Variants in TUSC3 observed in about 807,000 individuals in gnomAD.
TUSC3 encodes the protein dolichyl-diphosphooligosaccharide--protein glycosyltransferase subunit TUSC3.
TUSC3 carries 45 observed loss-of-function variants against 44.8 expected under a neutral mutation model. That is an observed-to-expected ratio of 1.00 (90% CI 0.79 to 1.29). The LOEUF is 1.29. TUSC3 is among the 50% of genes most tolerant of loss of function. The pLI is 0.00. For synonymous variants in TUSC3, 212 were observed against 152.9 expected (o/e 1.39, Z -2.85); for missense variants, 519 against 437.9 (o/e 1.19, Z -1.65).
chr8:15,483,648 G>GTTTTTTTTTTTTTTTTT (rs1398002093), intron 2 of TUSC3, among the ~76,000 whole-genome samples: 2 of 43,450 alleles, frequency 4.6e-5, no homozygotes, highest in African/African-American at 1.6e-4. Context: ...CTAGCACTGT[G>GTTTTTTTTTTTTTTTTT]ATTTTTTTTT....
In TUSC3 at chr8:15,459,485, G is replaced by A. The variant is rs189089704; in HGVS notation, n.92-23901G>A. Among the ~76,000 whole-genome samples, 19 of 151,712 alleles carry A rather than the reference G, an allele frequency of 1.3e-4. 1 individual carries two copies. The highest frequency in any genetic ancestry group is 3.4e-3 in the Middle Eastern group (1 of 294). ...ATTTGATAATATTTTTTATTTTTCC[G>A]TAGGTTATTAGGGTACAGGTGGTGT... On this transcript the variant is annotated intron_variant and non_coding_transcript_variant, in intron 1 of 5. Coordinates refer to the TUSC3 transcript ENST00000503191.
chr8:15,466,761 T>G (rs908504591), intron 1 of TUSC3, among the ~76,000 whole-genome samples: 1 of 152,136 alleles, frequency 6.6e-6, no homozygotes, highest in Admixed American at 6.5e-5. Context: ...CAAGTCATCT[T>G]AGTATAATTC....
chr8:15,724,098 A>G (rs1585269340), intron 6 of TUSC3, among the ~76,000 whole-genome samples: 2 of 152,124 alleles, frequency 1.3e-5, no homozygotes, highest in East Asian at 1.9e-4. Context: ...AGTAGAGGAA[A>G]GTATAGAGAC....
intron 1 of TUSC3, among the ~76,000 whole-genome samples, chr8:15,429,869 T>C (rs567470710): frequency 4.8e-4 from 73 of 151,764 alleles, no homozygotes; most frequent in Admixed American, 7.2e-4. Flanking sequence ...GCAAATAAAC[T>C]AGAAAATCTA....
chr8:15,678,992 T>C (rs1365908171), intron 6 of TUSC3, among the ~76,000 whole-genome samples: 1 of 152,208 alleles, frequency 6.6e-6, no homozygotes, highest in Non-Finnish European at 1.5e-5. Context: ...GTATTTTCTT[T>C]ATTTAATTCA....
intron 6 of TUSC3, among the ~76,000 whole-genome samples, chr8:15,705,010 T>G (rs2129197059): frequency 6.6e-6 from 1 of 152,160 alleles, no homozygotes; most frequent in Non-Finnish European, 1.5e-5. Flanking sequence ...GGTTTTTCTC[T>G]GTGGCATCTC....
intron 7 of TUSC3, 119 bp from the exon 8 acceptor site, chr8:15,743,419 T>C: frequency 1.0e-6 from 1 of 972,236 alleles, no homozygotes; most frequent in Non-Finnish European, 1.7e-6. Flanking sequence ...GGTAATTGAT[T>C]GTATTTACCT....
At chr8:15,760,037 A>G (rs1180794969) in intron 10 of TUSC3, among the ~76,000 whole-genome samples, 2 of 152,054 alleles carry the variant, frequency 1.3e-5, no homozygotes, top group African/African-American at 2.4e-5. Context: ...AGCCTCTTAA[A>G]TTGTCTCCCG....
At chr8:15,683,880 G>C (rs1808518961) in intron 6 of TUSC3, among the ~76,000 whole-genome samples, 1 of 152,056 alleles carries the variant, frequency 6.6e-6, no homozygotes, top group Non-Finnish European at 1.5e-5. Context: ...CTTCGTTTCT[G>C]AGTACTTTCA....
the TUSC3 span, among the ~76,000 whole-genome samples, chr8:15,833,068 C>A: frequency 6.6e-6 from 1 of 152,082 alleles, no homozygotes; most frequent in African/African-American, 2.4e-5. Flanking sequence ...AGACGCTTTT[C>A]AAAAGAAGAT....
intron 1 of TUSC3, among the ~76,000 whole-genome samples, chr8:15,448,758 G>T (rs1349363437): frequency 1.3e-5 from 2 of 152,026 alleles, no homozygotes; most frequent in African/African-American, 2.4e-5. Flanking sequence ...TTTATGCATT[G>T]TAAACAAAAA....
intron 1 of TUSC3, among the ~76,000 whole-genome samples, chr8:15,446,171 G>A (rs1001228453): frequency 5.3e-5 from 8 of 151,540 alleles, no homozygotes; most frequent in Non-Finnish European, 8.8e-5. Flanking sequence ...CCCAGACGGG[G>A]CATCGGGGCA....
At chr8:15,771,482 A>T (rs1487977849), downstream of TUSC3, among the ~76,000 whole-genome samples, 1 of 149,030 alleles carries the variant, frequency 6.7e-6, no homozygotes, top group East Asian at 2.0e-4. Flanking sequence ...ATAACTGCAT[A>T]GATTAAATAT....
intron 6 of TUSC3, among the ~76,000 whole-genome samples, chr8:15,717,403 C>T (rs1444209305): frequency 6.6e-6 from 1 of 152,002 alleles, no homozygotes; most frequent in Non-Finnish European, 1.5e-5. Flanking sequence ...ACTGCTTTTA[C>T]TGAAATATGT....
At chr8:15,463,501 T>G (rs1243206904) in intron 1 of TUSC3, among the ~76,000 whole-genome samples, 1 of 152,144 alleles carries the variant, frequency 6.6e-6, no homozygotes, top group Non-Finnish European at 1.5e-5. Context: ...TATGCTATTC[T>G]CATTTTATGT....
the TUSC3 span, among the ~76,000 whole-genome samples, chr8:15,775,649 TACACAC>T: frequency 7.9e-6 from 1 of 127,324 alleles, no homozygotes. Flanking sequence ...TATATATATA[TACACAC>T]ACATATACAT....
chr8:15,572,333 T>G (rs1033091149), intron 1 of TUSC3, among the ~76,000 whole-genome samples: 12 of 152,198 alleles, frequency 7.9e-5, no homozygotes, highest in Non-Finnish European at 1.5e-4. Context: ...CTCTGCCAGC[T>G]TTAAATTTTT....
chr8:15,787,552 G>C, the TUSC3 span, among the ~76,000 whole-genome samples: 107 of 152,202 alleles, frequency 7.0e-4, no homozygotes, highest in African/African-American at 2.4e-3. Context: ...AGAATAATAA[G>C]ACCAGTACCA....
the TUSC3 span, among the ~76,000 whole-genome samples, chr8:15,781,602 G>GA: frequency 5.5e-5 from 8 of 145,612 alleles, no homozygotes; most frequent in South Asian, 4.1e-4. Context: ...AAGAAAAAAA[G>GA]AAAATGGAAT....
Sources: gnomAD v4.1 joint callset for allele counts (sites outside exome capture counted in the v4.1 genomes callset) on GRCh38, gnomAD v4.1.1 for gene constraint, MANE v1.5 for transcripts, NCBI Gene and HGNC (gene_info 2026-07-23, HGNC 2026-07-21) for gene names.